INSL6: variants seen among roughly 807,000 people sequenced by gnomAD.
The protein encoded by INSL6 is insulin-like peptide INSL6.
A neutral mutation model predicts 9.4 loss-of-function variants in INSL6; 16 were observed. The ratio of observed to expected loss-of-function variants is 1.70; its 90% CI spans 1.15 to 2.59. The LOEUF (loss-of-function observed/expected upper bound fraction) is 2.59. INSL6 is among the 30% of genes most tolerant of loss of function. The probability of loss-of-function intolerance (pLI) is 0.00; values close to 1 mark genes in which losing one functional copy is unlikely to be tolerated. For synonymous variants in INSL6, 154 were observed against 96.9 expected (o/e 1.59, Z -3.46); for missense variants, 391 against 257.3 (o/e 1.52, Z -3.56).
At chr9:5,100,326 C>G in the INSL6 span, 5 of 152,174 alleles carry the variant, frequency 3.3e-5, no homozygotes, top group Non-Finnish European at 5.9e-5. Flanking sequence ...AACATCTGGC[C>G]TGGCCATGTG....
At chr9:5,076,277 C>T in the INSL6 span, among the ~76,000 whole-genome samples, 2 of 152,114 alleles carry the variant, frequency 1.3e-5, no homozygotes, top group African/African-American at 4.8e-5. Flanking sequence ...TAAAGTTCTA[C>T]TGTGGGTAGA....
the INSL6 span, chr9:5,110,576 C>G: frequency 5.8e-6 from 1 of 172,810 alleles, no homozygotes; most frequent in Non-Finnish European, 1.2e-5. Context: ...CTTCCTCTTC[C>G]CTTATTATTG....
rs564137947 is a variant in INSL6, at chr9:5,129,364, C to G, written c.*10+4061G>C. Among the ~76,000 whole-genome samples, 8 of 152,206 alleles carry G rather than the reference C, an allele frequency of 5.3e-5. No individual in the cohort carries two copies. In the East Asian group the frequency reaches 9.6e-4, roughly 18 times the overall value. On this transcript the variant is annotated intron_variant, in intron 3 of 3. Coordinates refer to the INSL6 transcript ENST00000649639. ...CCTTGGTTTAGGGATGTTGTGATAG[C>G]TTACCTTCCAGTTTTTAAGAAATGC...
chr9:5,063,958 C>T, the INSL6 span, among the ~76,000 whole-genome samples: 5 of 152,168 alleles, frequency 3.3e-5, no homozygotes, highest in Non-Finnish European at 7.4e-5. Flanking sequence ...GAATTTGAGA[C>T]CAGCCTGGCC....
chr9:5,125,113 A>C (rs924356799), intron 3 of INSL6, among the ~76,000 whole-genome samples: 4 of 151,344 alleles, frequency 2.6e-5, no homozygotes, highest in African/African-American at 9.7e-5. Context: ...AGTATGAAAA[A>C]ATAAAAATCA....
chr9:5,173,702 C>G (rs972239673), intron 1 of INSL6, among the ~76,000 whole-genome samples: 2 of 151,958 alleles, frequency 1.3e-5, no homozygotes, highest in Admixed American at 1.3e-4. Context: ...CACAGCAAAC[C>G]ACCATGGCAC....
the INSL6 span, chr9:5,090,846 C>A: frequency 6.2e-7 from 1 of 1,613,030 alleles, no homozygotes; most frequent in Non-Finnish European, 8.5e-7. Flanking sequence ...TTGGGTTAAC[C>A]AAAGTCTTGC....
chr9:5,083,370 C>T, the INSL6 span, among the ~76,000 whole-genome samples: 3 of 152,250 alleles, frequency 2.0e-5, no homozygotes, highest in African/African-American at 4.8e-5. Context: ...AGCTCTTTCT[C>T]GCATAAGCTT....
At chr9:5,139,754 G>A (rs1005223457) in intron 2 of INSL6, among the ~76,000 whole-genome samples, 1 of 152,122 alleles carries the variant, frequency 6.6e-6, no homozygotes, top group Non-Finnish European at 1.5e-5. Flanking sequence ...CCAGGCTAGA[G>A]CCCAGCTCTT....
chr9:5,163,966 C>A lies in INSL6; in HGVS notation c.589G>T (p.Asp197Tyr). The A allele has an allele frequency of 2.5e-6, 4 of 1,610,522 alleles. No individual in the cohort carries two copies. Among genetic ancestry groups the A allele is most frequent in the Non-Finnish European group, 2.5e-6 (3 of 1,179,460 alleles). The change falls in exon 2 of 2, where the codon GAT (aspartate) becomes TAT (tyrosine). Residue 197 changes from aspartate (D) to tyrosine (Y), a missense_variant. Asp to Tyr is a radical substitution (Grantham distance 160). Transcript: ENST00000381641. The stretch of plus-strand genomic sequence containing the variant: ...CTTTTTTCCTTTAGCCTTTTAAAAT[C>A]AATATATGGAAGACATGCAATGCTA... ...ELSIACLPYI[D>Y]FKRLKEKRSS... is the part of the protein sequence containing the mutation.
chr9:5,112,070 G>A, the INSL6 span: 1 of 399,424 alleles, frequency 2.5e-6, no homozygotes, highest in Non-Finnish European at 5.0e-6. Flanking sequence ...TCCACGGCCT[G>A]GAGAGTAAGA....
At chr9:5,118,277 A>C in the INSL6 span, among the ~76,000 whole-genome samples, 1 of 152,174 alleles carries the variant, frequency 6.6e-6, no homozygotes, top group Non-Finnish European at 1.5e-5. Context: ...TTTTCTCTTT[A>C]AAATAGTATT....
chr9:5,096,307 T>G, the INSL6 span, among the ~76,000 whole-genome samples: 1 of 152,188 alleles, frequency 6.6e-6, no homozygotes, highest in Admixed American at 6.5e-5. Flanking sequence ...AAACCCTTAG[T>G]AAATGAATTA....
chr9:5,182,317 GA>G (rs1009862300), intron 1 of INSL6, among the ~76,000 whole-genome samples: 2 of 151,974 alleles, frequency 1.3e-5, no homozygotes, highest in Non-Finnish European at 2.9e-5. Context: ...ATATGAACAG[GA>G]AAGAATGCAT....
intron 2 of INSL6, among the ~76,000 whole-genome samples, chr9:5,144,356 G>A (rs1173508133): frequency 6.6e-6 from 1 of 152,168 alleles, no homozygotes; most frequent in Admixed American, 6.5e-5. Flanking sequence ...ATGGCACTGT[G>A]GTACGAGAGA....
At chr9:5,115,033 C>T in the INSL6 span, among the ~76,000 whole-genome samples, 1 of 152,066 alleles carries the variant, frequency 6.6e-6, no homozygotes, top group South Asian at 2.1e-4. Flanking sequence ...ACTAAAACAC[C>T]AAAAGCAATG....
At chr9:5,111,405 T>TGGACACGCAGCCC in the INSL6 span, 1 of 402,988 alleles carries the variant, frequency 2.5e-6, no homozygotes, top group Non-Finnish European at 4.8e-6. Flanking sequence ...GACAGCGGCC[T>TGGACACGCAGCCC]GGACACGCAG....
At chr9:4,993,504 T>A in the INSL6 span, among the ~76,000 whole-genome samples, 2 of 152,238 alleles carry the variant, frequency 1.3e-5, no homozygotes, top group Non-Finnish European at 2.9e-5. Flanking sequence ...CTGCTGAGAA[T>A]CTCCTTAATT....
chr9:5,130,190 C>T (rs944077898), intron 3 of INSL6, among the ~76,000 whole-genome samples: 4 of 152,076 alleles, frequency 2.6e-5, no homozygotes, highest in African/African-American at 9.7e-5. Context: ...AAAACGAGAC[C>T]TTTAAAGGAG....
Sources: gnomAD v4.1 joint callset for allele counts (sites outside exome capture counted in the v4.1 genomes callset) on GRCh38, gnomAD v4.1.1 for gene constraint, MANE v1.5 for transcripts, NCBI Gene and HGNC (gene_info 2026-07-23, HGNC 2026-07-21) for gene names.